GRM7: variants seen among roughly 807,000 people sequenced by gnomAD.
GRM7 encodes metabotropic glutamate receptor 7.
Under a neutral mutation model 84.5 loss-of-function variants are expected in GRM7, and 35 were observed. The ratio of observed to expected loss-of-function variants is 0.41; its 90% CI spans 0.32 to 0.55. GRM7 has a LOEUF of 0.55. Ranked by LOEUF, GRM7 falls within the 20% of genes least tolerant of loss-of-function variation. GRM7 has a pLI of 0.19. For synonymous variants in GRM7, 487 were observed against 455.1 expected, an observed-to-expected ratio of 1.07 and a Z score of -0.89; for missense variants, 1,003 against 1,194.6, an observed-to-expected ratio of 0.84 and a Z score of 2.36.
chr3:7,566,482 T>C (rs1426549063), intron 7 of GRM7, among the ~76,000 whole-genome samples: 1 of 152,218 alleles, frequency 6.6e-6, no homozygotes, highest in East Asian at 1.9e-4. Context: ...TTTTCAAATG[T>C]ATTTGATAAT....
In GRM7 at chr3:7,261,975, G is replaced by A. The variant is rs568964819; in HGVS notation, c.737-36709G>A. On this transcript the variant is annotated intron_variant, in intron 2 of 9. Transcript: ENST00000357716. ...CTTTGTTTTCTTTCTTCTTTCTTTC[G>A]TTCTTTCCTGAATATAGGCCCCCAA... Among the ~76,000 whole-genome samples, 10 of 90,006 alleles carry A rather than the reference G, an allele frequency of 1.1e-4. No individual in the cohort carries two copies. The South Asian group carries it at 2.3e-3, about 21-fold the overall frequency. The allele number at this position is 90,006 out of a possible 152,430, so 59.0% of individuals were successfully genotyped here. A position where few individuals can be genotyped will look rare whatever the true frequency, so the allele number is the denominator to read the frequency against.
At position 7,614,312 on chromosome 3, in the gene GRM7, G is replaced by A. The variant is rs565003555; in HGVS notation, c.2451+34955G>A. On this transcript the variant is annotated intron_variant, in intron 8 of 9. Transcript: ENST00000357716. ...GTAATATCCTGATAAACAGCACCCA[G>A]GTAAATAATCAGAACATCACTAACA... Among the ~76,000 whole-genome samples the A allele has an allele frequency of 1.4e-4, 21 of 152,170 alleles. No homozygotes were observed. The South Asian group carries it at 2.3e-3, about 17-fold the overall frequency.
intron 1 of GRM7, among the ~76,000 whole-genome samples, chr3:6,986,471 A>G (rs1694415564): frequency 6.6e-6 from 1 of 152,204 alleles, no homozygotes. Context: ...GTAAGCATTC[A>G]TTTAGTTCCA....
rs192994161 is a variant in GRM7 at position 6,866,442 on chromosome 3, G to C, written c.519+4535G>C. 1.4e-3 allele frequency among the ~76,000 whole-genome samples: 212 copies of C among 151,750 alleles called. 1 individual carries two copies. The highest frequency in any genetic ancestry group is 4.8e-3 in the African/African-American group (200 of 41,370). On this transcript the variant is annotated intron_variant, in intron 1 of 9. Transcript: ENST00000357716. Reference sequence around the variant, plus strand: ...TGTCAAAACTGTCTTTGCATTTCCAGCTCCCACTTTTGGTGAGTTTGTGGG... The same window carrying C: ...TGTCAAAACTGTCTTTGCATTTCCACCTCCCACTTTTGGTGAGTTTGTGGG...
At chr3:7,175,004 A>G (rs77882198) in intron 2 of GRM7, among the ~76,000 whole-genome samples, 34,378 of 152,070 alleles carry the variant, frequency 0.23, 4,312 homozygotes, top group Non-Finnish European at 0.28. Flanking sequence ...AGTCAAGAAC[A>G]TAAGAGGTCC....
chr3:7,088,788 A>C (rs1467164654), intron 1 of GRM7, among the ~76,000 whole-genome samples: 1 of 150,256 alleles, frequency 6.7e-6, no homozygotes, highest in Non-Finnish European at 1.5e-5. Flanking sequence ...AGATTTAAGG[A>C]TTCACAACTA....
At chr3:7,159,413 T>C (rs1279891329) in intron 2 of GRM7, among the ~76,000 whole-genome samples, 4 of 152,164 alleles carry the variant, frequency 2.6e-5, no homozygotes, top group Non-Finnish European at 1.5e-5. Context: ...AACTTCTTTA[T>C]TCTTATTTTC....
intron 1 of GRM7, among the ~76,000 whole-genome samples, chr3:6,880,861 C>T (rs1695482196): frequency 1.3e-5 from 2 of 152,178 alleles, no homozygotes; most frequent in Admixed American, 1.3e-4. Flanking sequence ...TGTTAATTAA[C>T]TTGAAAGGTA....
At chr3:7,664,076 C>G (rs756739124) in intron 8 of GRM7, among the ~76,000 whole-genome samples, 1 of 152,126 alleles carries the variant, frequency 6.6e-6, no homozygotes, top group African/African-American at 2.4e-5. Context: ...ATTAGACACC[C>G]TATAATTACC....
At chr3:7,432,477 C>T (rs917772402) in intron 5 of GRM7, among the ~76,000 whole-genome samples, 12 of 151,798 alleles carry the variant, frequency 7.9e-5, no homozygotes, top group East Asian at 1.9e-4. Flanking sequence ...TGTGCCACCA[C>T]GCCCTGCTAA....
At chr3:6,985,837 G>C (rs1265013565) in intron 1 of GRM7, among the ~76,000 whole-genome samples, 1 of 152,144 alleles carries the variant, frequency 6.6e-6, no homozygotes, top group Non-Finnish European at 1.5e-5. Flanking sequence ...AAATATTAAG[G>C]TATTAATACT....
At chr3:7,271,577 A>G (rs923442762) in intron 2 of GRM7, among the ~76,000 whole-genome samples, 4 of 151,284 alleles carry the variant, frequency 2.6e-5, no homozygotes, top group Non-Finnish European at 5.9e-5. Context: ...AAAAAAAAAA[A>G]AAAAAAAAGA....
intron 8 of GRM7, among the ~76,000 whole-genome samples, chr3:7,650,103 T>A (rs1315578113): frequency 6.6e-6 from 1 of 152,202 alleles, no homozygotes; most frequent in African/African-American, 2.4e-5. Flanking sequence ...AAGAAAACCT[T>A]TTATCCTACG....
intron 1 of GRM7, among the ~76,000 whole-genome samples, chr3:6,957,630 C>T (rs1194425804): frequency 1.3e-5 from 2 of 152,180 alleles, no homozygotes; most frequent in African/African-American, 2.4e-5. Flanking sequence ...CCGATTTACC[C>T]TCCTCTCATT....
At chr3:7,312,444 C>A (rs17047091) in intron 4 of GRM7, among the ~76,000 whole-genome samples, 2 of 151,946 alleles carry the variant, frequency 1.3e-5, no homozygotes, top group Non-Finnish European at 2.9e-5. Flanking sequence ...GGACATACTG[C>A]AAGAGCCATG....
chr3:6,946,296 G>A (rs1698079179), intron 1 of GRM7, among the ~76,000 whole-genome samples: 2 of 152,094 alleles, frequency 1.3e-5, no homozygotes, highest in East Asian at 3.9e-4. Context: ...AGTTTTCCCA[G>A]CACCATTTAT....
Position 7,097,251 on chromosome 3 carries a change from A to C in GRM7, c.520-49201A>C, listed in dbSNP as rs556906796. Reference sequence around the variant, plus strand: ...GATAATCTAGGTGAATATTGTGCCTACACATAGGCATGTGTAAGAGGATAT... The same window carrying C: ...GATAATCTAGGTGAATATTGTGCCTCCACATAGGCATGTGTAAGAGGATAT... On this transcript the variant is annotated intron_variant, in intron 1 of 9. Coordinates refer to ENST00000357716, the MANE Select transcript of GRM7 (RefSeq NM_000844.4). 2.7e-4 allele frequency among the ~76,000 whole-genome samples: 41 copies of C among 152,204 alleles called. No individual in the cohort carries two copies. In the South Asian group the frequency reaches 8.3e-3, roughly 31 times the overall value.
chr3:7,461,832 G>A (rs1698261062), intron 7 of GRM7, 110 bp downstream of exon 7: 2 of 968,110 alleles, frequency 2.1e-6, no homozygotes, highest in African/African-American at 1.6e-5. Flanking sequence ...ATATACAAGT[G>A]AGCATGCAAT....
At chr3:7,253,187 C>T (rs1698068739) in intron 2 of GRM7, among the ~76,000 whole-genome samples, 1 of 152,068 alleles carries the variant, frequency 6.6e-6, no homozygotes, top group African/African-American at 2.4e-5. Flanking sequence ...TGTTCATTTA[C>T]ATCAACCCTT....
Sources: allele counts gnomAD v4.1 joint callset (sites outside exome capture counted in the v4.1 genomes callset), GRCh38; gene constraint gnomAD v4.1.1; transcripts MANE v1.5; gene names NCBI Gene and HGNC (gene_info 2026-07-23, HGNC 2026-07-21).